Variants in OAS3 observed in about 807,000 individuals in gnomAD.
OAS3 encodes the protein 2'-5'-oligoadenylate synthase 3.
In OAS3, 107 loss-of-function variants were observed where a neutral mutation model predicts 113.0. The observed-to-expected ratio is 0.95, with a 90% CI of 0.81 to 1.11. The LOEUF (loss-of-function observed/expected upper bound fraction) is 1.11, where lower values mean the gene tolerates loss of function less well. Ranked by LOEUF, OAS3 falls within the 50% of genes most tolerant of loss-of-function variation. The pLI is 0.00. For missense variants in OAS3, 1,258 were observed against 1,389.1 expected, an observed-to-expected ratio of 0.91 and a Z score of 1.50; for synonymous variants, 552 against 573.6, an observed-to-expected ratio of 0.96 and a Z score of 0.54.
intron 3 of OAS3, among the ~76,000 whole-genome samples, chr12:112,946,040 G>A (rs567902500): frequency 3.3e-5 from 5 of 152,254 alleles, no homozygotes; most frequent in African/African-American, 4.8e-5. Flanking sequence ...CTGGTTGGGC[G>A]TTAGAAATTC....
At chr12:112,956,320 TTG>T (rs1376788967) in intron 7 of OAS3, among the ~76,000 whole-genome samples, 2 of 152,234 alleles carry the variant, frequency 1.3e-5, no homozygotes, top group Non-Finnish European at 2.9e-5. Context: ...GAAGGGTTTT[TTG>T]TGTCTCTGTC....
In OAS3 at chr12:112,961,228, G is replaced by A. The variant is rs1354613261; in HGVS notation, c.1815G>A (p.Val605=). ...PVKLKNLILL[V]KHWYRQVAAQ... Reference sequence around the variant, plus strand: ...AGCTGAAGAACCTGATTCTGCTGGTGAAGCACTGGTACCGCCAGGTGAGTT... The same window carrying A: ...AGCTGAAGAACCTGATTCTGCTGGTAAAGCACTGGTACCGCCAGGTGAGTT... The change falls in exon 8 of 16, where the codon GTG becomes GTA. Residue 605 remains valine (V), a synonymous_variant. Transcript: ENST00000228928. 1.2e-6 allele frequency: 2 copies of A among 1,614,016 alleles called. No individual in the cohort carries two copies. The highest frequency in any genetic ancestry group is 4.5e-5 in the East Asian group (2 of 44,884).
In OAS3 at chr12:112,964,412, A is replaced by G; in HGVS notation, c.2403+4A>G. 1.9e-6 allele frequency: 3 copies of G among 1,609,726 alleles called. No homozygotes were observed. The highest frequency in any genetic ancestry group is 2.5e-6 in the Non-Finnish European group (3 of 1,178,046). ...CAAAGTGATCAAGGTGGTCAAGGTG[A>G]GTCCTCAGAGAGCTGTAGGCAAGCA... On this transcript the variant is annotated splice_donor_region_variant and intron_variant, in intron 11 of 15. Transcript: ENST00000228928.
chr12:112,961,069 A>G lies in OAS3; in HGVS notation c.1658-2A>G, dbSNP rs748618437. On this transcript the variant is annotated splice_acceptor_variant, in intron 7 of 15. Coordinates refer to ENST00000228928, the MANE Select transcript of OAS3 (RefSeq NM_006187.4). LOFTEE classifies it high-confidence loss of function. ...CACTCAGGGTGTTTCAAACTTCTACAGGGCAGCTCAGTTCTGGCACCAAAC... is the reference window on the plus strand; with the variant it reads ...CACTCAGGGTGTTTCAAACTTCTACGGGGCAGCTCAGTTCTGGCACCAAAC... The G allele has an allele frequency of 1.2e-6, 2 of 1,612,794 alleles. No homozygotes were observed. Among genetic ancestry groups the G allele is most frequent in the East Asian group, 2.2e-5 (1 of 44,852 alleles).
intron 1 of OAS3, among the ~76,000 whole-genome samples, chr12:112,939,469 A>G (rs913840309): frequency 6.6e-6 from 1 of 151,982 alleles, no homozygotes; most frequent in Non-Finnish European, 1.5e-5. Flanking sequence ...ACAGGTGCAC[A>G]CTACCATGCC....
intron 1 of OAS3, among the ~76,000 whole-genome samples, chr12:112,940,918 A>G (rs2043673157): frequency 6.6e-6 from 1 of 152,194 alleles, no homozygotes; most frequent in Admixed American, 6.5e-5. Flanking sequence ...TGGGAAAATC[A>G]CTTGAACTCA....
In OAS3 at chr12:112,963,599, G is replaced by A. The variant is rs1473483299; in HGVS notation, c.2229+142G>A. The A allele has an allele frequency of 1.2e-5, 10 of 814,794 alleles. No individual in the cohort carries two copies. The highest frequency in any genetic ancestry group is 1.6e-5 in the Non-Finnish European group (9 of 567,408). 50.5% of individuals were successfully genotyped at this position (814,794 alleles called of 1,614,324 possible). ...ATAGCCACCCCTTCTCTGGAGACTTGCCTTTCATGAAATGCACAGATTGCT... is the reference window on the plus strand; with the variant it reads ...ATAGCCACCCCTTCTCTGGAGACTTACCTTTCATGAAATGCACAGATTGCT... On this transcript the variant is annotated intron_variant, in intron 10 of 15. Coordinates refer to ENST00000228928, the MANE Select transcript of OAS3 (RefSeq NM_006187.4). This position sits in a 1 kb window ranked among gnomAD's most constrained non-coding sequence, Gnocchi z 4.6.
rs762630854 is a variant in OAS3 at position 112,972,913 on chromosome 12, T to TGTGTGTGTGTGTGTG, written c.*2940_*2941insGTGTGTGTGTGTGTG. 1 of 150,146 alleles carries TGTGTGTGTGTGTGTG rather than the reference T, an allele frequency of 6.7e-6. No individual in the cohort carries two copies. The highest frequency in any genetic ancestry group is 2.5e-5 in the African/African-American group (1 of 40,732). 9.3% of individuals were successfully genotyped at this position (150,146 alleles called of 1,614,324 possible). A position where few individuals can be genotyped will look rare whatever the true frequency, so the allele number is the denominator to read the frequency against. ...GTGTGTGTGTGTGTGTGTGTGTGTG[T>TGTGTGTGTGTGTGTG]TTAATTTTTAAAAAGTTTTTATTGA... On this transcript the variant is annotated 3_prime_UTR_variant, in exon 16 of 16. Transcript: ENST00000228928.
intron 5 of OAS3, among the ~76,000 whole-genome samples, chr12:112,948,502 CAA>C (rs35812521): frequency 2.0e-5 from 2 of 99,460 alleles, no homozygotes; most frequent in Admixed American, 1.2e-4. Context: ...GACTCCGTCC[CAA>C]AAAAAAAAAA....
intron 13 of OAS3, 112 bp downstream of exon 13, chr12:112,967,705 C>A: frequency 7.8e-7 from 1 of 1,282,994 alleles, no homozygotes; most frequent in Non-Finnish European, 1.1e-6. Flanking sequence ...GTTGGTGGAG[C>A]AGAGCAGAAA....
chr12:112,964,489 T>G, intron 11 of OAS3, 81 bp downstream of exon 11: 1 of 1,445,998 alleles, frequency 6.9e-7, no homozygotes. Flanking sequence ...CTTGACCCAC[T>G]TCCGCCCTCG....
Position 112,946,791 on chromosome 12 carries a change from C to T in OAS3, c.685C>T (p.Leu229=). The T allele has an allele frequency of 6.2e-7, 1 of 1,613,520 alleles. No individual in the cohort carries two copies. Among genetic ancestry groups the T allele is most frequent in the Non-Finnish European group, 8.5e-7 (1 of 1,179,694 alleles). The change falls in exon 4 of 16, where the codon CTG becomes TTG. Residue 229 remains leucine, a synonymous_variant. Coordinates refer to ENST00000228928, the MANE Select transcript of OAS3 (RefSeq NM_006187.4). ...WKETLPPVYA[L]ELLTIFAWEQ... is the part of the protein sequence containing the mutation. The stretch of plus-strand genomic sequence containing the variant: ...GGAGACGCTGCCCCCGGTCTATGCC[C>T]TGGAATTGCTGACCATCTTCGCCTG...
Position 112,967,937 on chromosome 12 carries a change from G to A in OAS3, c.2867G>A (p.Cys956Tyr). The change falls in exon 14 of 16, where the codon TGT becomes TAT. Residue 956 changes from cysteine (C) to tyrosine (Y), a missense_variant and splice_region_variant. By Grantham distance (194) the Cys-to-Tyr change is radical (BLOSUM62 -2). Transcript: ENST00000228928. Reference protein sequence around the residue: ...IRLVKHWYQQCTKISKGRGSL... With the variant: ...IRLVKHWYQQYTKISKGRGSL... ...CATATCTTTCTTCTCGTTCTCCAGT[G>A]TACCAAGATCTCCAAGGGGAGAGGC... 6.2e-7 allele frequency: 1 copy of A among 1,613,292 alleles called. No individual in the cohort carries two copies. Among genetic ancestry groups the A allele is most frequent in the Non-Finnish European group, 8.5e-7 (1 of 1,179,456 alleles).
intron 4 of OAS3, 74 bp from the exon 5 acceptor site, chr12:112,947,872 C>A: frequency 7.5e-7 from 1 of 1,333,192 alleles, no homozygotes; most frequent in Non-Finnish European, 1.0e-6. Flanking sequence ...AGCAGAGATG[C>A]GATTGGAACC....
chr12:112,967,641 C>T (rs749795013), intron 13 of OAS3, 48 bp downstream of exon 13: 2 of 1,571,896 alleles, frequency 1.3e-6, no homozygotes, highest in Non-Finnish European at 1.7e-6. Flanking sequence ...TGGGATCTGC[C>T]TCTGGAGCAC....
Position 112,948,006 on chromosome 12 carries a change from CT to C in OAS3, c.937del (p.Trp313GlyfsTer4). On this transcript the variant is annotated frameshift_variant, in exon 5 of 16. Transcript: ENST00000228928. LOFTEE classifies it high-confidence loss of function. Reference protein sequence around the residue: ...WDLGNGAAWHWDLLAQEAASC... With the variant: ...WDLGNGAAWHXDLLAQEAASC... Reference sequence around the variant, plus strand: ...ACCTGGGGAATGGGGCAGCCTGGCACTGGGATTTGCTAGCCCAGGAGGCAGC... The same window carrying C: ...ACCTGGGGAATGGGGCAGCCTGGCACGGGATTTGCTAGCCCAGGAGGCAGC... 2 of 1,603,072 alleles carry C rather than the reference CT, an allele frequency of 1.2e-6. No homozygotes were observed. The highest frequency in any genetic ancestry group is 1.7e-6 in the Non-Finnish European group (2 of 1,174,856).
At chr12:112,962,999 G>A (rs1328697683) in intron 9 of OAS3, 97 bp downstream of exon 9, 2 of 1,528,538 alleles carry the variant, frequency 1.3e-6, no homozygotes, top group East Asian at 4.7e-5. Flanking sequence ...GGTAGGGTTT[G>A]GGGTGGCAAT....
At chr12:112,967,368 C>G (rs754400288) in intron 12 of OAS3, 50 bp from the exon 13 acceptor site, 2 of 1,549,758 alleles carry the variant, frequency 1.3e-6, no homozygotes, top group Non-Finnish European at 1.8e-6. Context: ...GTTGGCCCCA[C>G]TGGGACAACA....
Position 112,963,173 on chromosome 12 carries a change from C to A in OAS3, c.2085-140C>A. The stretch of plus-strand genomic sequence containing the variant: ...CAACCAAGGCAGCCAATTGAGATCG[C>A]TTCTGCACTTGGGCAAGACTGAGCC... On this transcript the variant is annotated intron_variant, in intron 9 of 15. Coordinates refer to ENST00000228928, the MANE Select transcript of OAS3 (RefSeq NM_006187.4). The surrounding 1 kb of genome is among the most constrained non-coding windows in gnomAD (Gnocchi z 4.6). 8.9e-7 allele frequency: 1 copy of A among 1,117,568 alleles called. No individual in the cohort carries two copies. Among genetic ancestry groups the A allele is most frequent in the Non-Finnish European group, 1.2e-6 (1 of 806,590 alleles). The allele number at this position is 1,117,568 out of a possible 1,614,324, so 69.2% of individuals were successfully genotyped here.
Sources: gnomAD v4.1 joint callset for allele counts (sites outside exome capture counted in the v4.1 genomes callset) on GRCh38, gnomAD v4.1.1 for gene constraint, Gnocchi (gnomAD v3.1) non-coding constraint, MANE v1.5 for transcripts, NCBI Gene and HGNC (gene_info 2026-07-23, HGNC 2026-07-21) for gene names.